Variants in NOL4 observed in about 807,000 individuals in gnomAD.
NOL4 encodes nucleolar protein 4.
Under a neutral mutation model 75.9 loss-of-function variants are expected in NOL4, and 17 were observed. That is an observed-to-expected ratio of 0.22 (90% CI 0.15 to 0.34). The LOEUF is 0.34. Among genes scored for constraint, NOL4 ranks in the 10% least tolerant of loss-of-function variants. The pLI is 1.00. For synonymous variants in NOL4, 292 were observed against 289.9 expected, an observed-to-expected ratio of 1.01 and a Z score of -0.07; for missense variants, 614 against 793.5, an observed-to-expected ratio of 0.77 and a Z score of 2.72.
chr18:33,899,932 C>A (rs1378264639), intron 9 of NOL4, among the ~76,000 whole-genome samples: 1 of 151,934 alleles, frequency 6.6e-6, no homozygotes, highest in Non-Finnish European at 1.5e-5. Context: ...ATATTATGGC[C>A]CATTTCTGTG....
intron 1 of NOL4, among the ~76,000 whole-genome samples, chr18:34,189,829 G>A (rs1219007664): frequency 1.3e-5 from 2 of 151,782 alleles, no homozygotes; most frequent in African/African-American, 4.8e-5. Flanking sequence ...GAATCCAAAA[G>A]AGTCATATTG....
At chr18:33,953,435 G>C (rs1413868049) in intron 8 of NOL4, among the ~76,000 whole-genome samples, 1 of 151,788 alleles carries the variant, frequency 6.6e-6, no homozygotes, top group South Asian at 2.1e-4. Context: ...TTATGCAAGA[G>C]TACAGGTATG....
intron 9 of NOL4, among the ~76,000 whole-genome samples, chr18:33,936,743 A>C (rs2068084698): frequency 6.6e-6 from 1 of 152,146 alleles, no homozygotes; most frequent in African/African-American, 2.4e-5. Flanking sequence ...CTAAGAGCAG[A>C]AAACATAACA....
At chr18:34,086,675 C>T (rs978888285) in intron 5 of NOL4, among the ~76,000 whole-genome samples, 2 of 152,008 alleles carry the variant, frequency 1.3e-5, no homozygotes, top group African/African-American at 4.8e-5. Flanking sequence ...CAATTTTAGC[C>T]ACAAGCATAT....
At chr18:34,013,551 T>C (rs1259249529) in intron 6 of NOL4, among the ~76,000 whole-genome samples, 6 of 151,946 alleles carry the variant, frequency 3.9e-5, no homozygotes, top group Non-Finnish European at 7.4e-5. Flanking sequence ...CAGACTTAAA[T>C]CATCATCTTC....
intron 4 of NOL4, among the ~76,000 whole-genome samples, chr18:34,097,720 C>A (rs1431673891): frequency 6.6e-6 from 1 of 152,110 alleles, no homozygotes; most frequent in Non-Finnish European, 1.5e-5. Flanking sequence ...ACTGACAATC[C>A]TTTGTTGTGA....
intron 9 of NOL4, among the ~76,000 whole-genome samples, chr18:33,940,142 G>A (rs893559081): frequency 3.3e-5 from 5 of 152,042 alleles, no homozygotes; most frequent in Non-Finnish European, 5.9e-5. Context: ...AAGACAATGT[G>A]GCGATTCTTC....
chr18:34,014,618 T>C (rs1600253191), intron 6 of NOL4, among the ~76,000 whole-genome samples: 1 of 152,060 alleles, frequency 6.6e-6, no homozygotes, highest in Non-Finnish European at 1.5e-5. Flanking sequence ...GCTAATCCCT[T>C]AACACTTCCT....
chr18:34,216,983 C>T (rs1192400037), intron 1 of NOL4, among the ~76,000 whole-genome samples: 1 of 152,040 alleles, frequency 6.6e-6, no homozygotes, highest in African/African-American at 2.4e-5. Flanking sequence ...AAAATTATTT[C>T]TGCCTGTCCA....
At chr18:34,067,926 G>A (rs1004257453) in intron 5 of NOL4, among the ~76,000 whole-genome samples, 1 of 152,092 alleles carries the variant, frequency 6.6e-6, no homozygotes, top group Non-Finnish European at 1.5e-5. Context: ...ATAGGCAGTA[G>A]TTAAAGATGT....
intron 9 of NOL4, among the ~76,000 whole-genome samples, chr18:33,901,915 G>A (rs1264746721): frequency 1.3e-5 from 2 of 152,024 alleles, no homozygotes; most frequent in African/African-American, 4.8e-5. Flanking sequence ...ACAGAAGTAT[G>A]AAGAAGGCTA....
intron 8 of NOL4, 133 bp downstream of exon 8, chr18:33,957,193 C>G: frequency 1.6e-6 from 1 of 633,708 alleles, no homozygotes; most frequent in Non-Finnish European, 2.6e-6. Flanking sequence ...AACAAACGAG[C>G]AAACAAAACC....
intron 8 of NOL4, among the ~76,000 whole-genome samples, chr18:33,947,701 G>T (rs534663204): frequency 6.5e-4 from 99 of 151,846 alleles, no homozygotes; most frequent in Non-Finnish European, 1.2e-3. Flanking sequence ...ATAAGATAAT[G>T]GTACCTACCC....
At chr18:34,060,430 C>T (rs769352978) in intron 5 of NOL4, among the ~76,000 whole-genome samples, 17 of 152,290 alleles carry the variant, frequency 1.1e-4, no homozygotes, top group Admixed American at 5.9e-4. Context: ...CATATCCCAA[C>T]CACATGGCCT....
At chr18:34,188,502 TA>T (rs2034664567) in intron 1 of NOL4, among the ~76,000 whole-genome samples, 1 of 152,184 alleles carries the variant, frequency 6.6e-6, no homozygotes, top group Non-Finnish European at 1.5e-5. Context: ...CTGAACATCA[TA>T]GCTTGGCCTA....
intron 9 of NOL4, among the ~76,000 whole-genome samples, chr18:33,914,204 GT>G (rs1568053896): frequency 6.6e-6 from 1 of 152,084 alleles, no homozygotes. Flanking sequence ...TGAAAAGGTG[GT>G]TTTTGAGTAA....
intron 1 of NOL4, among the ~76,000 whole-genome samples, chr18:34,208,150 C>T (rs947172813): frequency 2.6e-5 from 4 of 152,150 alleles, no homozygotes; most frequent in African/African-American, 9.7e-5. Flanking sequence ...AGGAAACTCA[C>T]CCCTTGTGCT....
intron 1 of NOL4, among the ~76,000 whole-genome samples, chr18:34,173,218 T>G (rs2146279131): frequency 6.6e-6 from 1 of 152,128 alleles, no homozygotes; most frequent in Admixed American, 6.6e-5. Flanking sequence ...AGAAGCAGAG[T>G]AGAACAGTCA....
chr18:33,940,662 C>T (rs1172780548), intron 9 of NOL4, among the ~76,000 whole-genome samples: 1 of 151,770 alleles, frequency 6.6e-6, no homozygotes, highest in African/African-American at 2.4e-5. Flanking sequence ...CCTGCACGTT[C>T]TGCACATGTA....
Sources: allele counts gnomAD v4.1 joint callset (sites outside exome capture counted in the v4.1 genomes callset), GRCh38; gene constraint gnomAD v4.1.1; transcripts MANE v1.5; gene names NCBI Gene and HGNC (gene_info 2026-07-23, HGNC 2026-07-21).